The following GALNT8 variants were observed in gnomAD, a reference collection of about 807,000 sequenced individuals.
The protein encoded by GALNT8 is polypeptide N-acetylgalactosaminyltransferase 8.
Under a neutral mutation model 62.7 loss-of-function variants are expected in GALNT8, and 66 were observed. The observed-to-expected ratio is 1.05, with a 90% CI of 0.86 to 1.29. GALNT8 has a LOEUF of 1.29. Ranked by LOEUF, GALNT8 falls within the 50% of genes most tolerant of loss-of-function variation. The probability of loss-of-function intolerance (pLI) is 0.00; values close to 1 mark genes in which losing one functional copy is unlikely to be tolerated. For missense variants in GALNT8, 771 were observed against 791.8 expected, an observed-to-expected ratio of 0.97 and a Z score of 0.32; for synonymous variants, 288 against 294.3, an observed-to-expected ratio of 0.98 and a Z score of 0.22.
Position 4,739,343 on chromosome 12 carries a change from T to A in GALNT8, c.676+14T>A. The A allele has an allele frequency of 1.2e-6, 2 of 1,607,622 alleles. No homozygotes were observed. Among genetic ancestry groups the A allele is most frequent in the African/African-American group, 1.3e-5 (1 of 74,882 alleles). On this transcript the variant is annotated intron_variant, in intron 3 of 10. Coordinates refer to ENST00000252318, the MANE Select transcript of GALNT8 (RefSeq NM_017417.2). The stretch of plus-strand genomic sequence containing the variant: ...TCAGCTCAAATGGTGAGCAACGTGA[T>A]CAAAGAATAATTGTAAAAATGACCA...
chr12:4,772,075 A>C (rs975957515), intron 10 of GALNT8, among the ~76,000 whole-genome samples: 4 of 152,128 alleles, frequency 2.6e-5, no homozygotes, highest in East Asian at 1.9e-4. Flanking sequence ...GGTGACCCTG[A>C]TGGGTCTCAT....
intron 3 of GALNT8, among the ~76,000 whole-genome samples, chr12:4,740,960 C>G (rs955550815): frequency 5.3e-5 from 8 of 152,136 alleles, no homozygotes; most frequent in African/African-American, 1.9e-4. Flanking sequence ...CACATGGTAG[C>G]CTCTCAGCAA....
rs1946199341 is a variant in GALNT8 at position 4,726,944 on chromosome 12, G to C, written c.509+115G>C. On this transcript the variant is annotated intron_variant, in intron 2 of 10. Transcript: ENST00000252318. The surrounding 1 kb of genome is among the most constrained non-coding windows in gnomAD (Gnocchi z 4.1). ...GGGGGATTGTTGGGGAAGGGGTTCA[G>C]GCTGAGCAAAGTTGTTGTTTTCAAT... 1.2e-6 allele frequency: 1 copy of C among 844,284 alleles called. No homozygotes were observed. Among genetic ancestry groups the C allele is most frequent in the African/African-American group, 1.7e-5 (1 of 58,996 alleles). The allele number at this position is 844,284 out of a possible 1,614,324, so 52.3% of individuals were successfully genotyped here.
intron 6 of GALNT8, among the ~76,000 whole-genome samples, chr12:4,750,644 A>G (rs1946318509): frequency 6.6e-6 from 1 of 152,152 alleles, no homozygotes; most frequent in Admixed American, 6.5e-5. Context: ...TAGCTCTACA[A>G]TGAACATACA....
At chr12:4,733,632 G>A (rs570995380) in intron 2 of GALNT8, among the ~76,000 whole-genome samples, 1 of 152,086 alleles carries the variant, frequency 6.6e-6, no homozygotes. Context: ...TAACCATCCC[G>A]TACCAGACAT....
chr12:4,765,298 G>C (rs1202819869), intron 9 of GALNT8, 81 bp from the exon 10 acceptor site: 1 of 1,318,980 alleles, frequency 7.6e-7, no homozygotes, highest in Admixed American at 2.9e-5. Context: ...TCTTCCTGCT[G>C]TCCCTCGGGC....
chr12:4,758,633 T>TGAGAGA (rs1555070216), intron 6 of GALNT8, among the ~76,000 whole-genome samples: 1 of 79,908 alleles, frequency 1.3e-5, no homozygotes, highest in African/African-American at 4.0e-5. Flanking sequence ...TGTGTGTGTG[T>TGAGAGA]GTGTGAGAGA....
Position 4,764,181 on chromosome 12 carries a change from T to A in GALNT8, c.1593+134T>A. On this transcript the variant is annotated intron_variant, in intron 9 of 10. Transcript: ENST00000252318. ...CGGAGCATCCTGGGTAAGGGTGAAA[T>A]CCAGACCTGCACTTGTAACTGAGCA... 4.4e-6 allele frequency: 3 copies of A among 683,404 alleles called. No individual in the cohort carries two copies. In the South Asian group the frequency reaches 4.9e-5, roughly 11 times the overall value. 42.3% of individuals were successfully genotyped at this position (683,404 alleles called of 1,614,324 possible).
At position 4,740,675 on chromosome 12, in the gene GALNT8, C is replaced by T. The variant is rs559179668; in HGVS notation, c.676+1346C>T. Among the ~76,000 whole-genome samples the T allele has an allele frequency of 1.2e-4, 19 of 152,270 alleles. No homozygotes were observed. The East Asian group carries it at 1.9e-3, about 16-fold the overall frequency. ...CTGATCTCAGATGGTTTGCCTGCCT[C>T]GGCCTCTCAAAGTGCTGGGATTACA... On this transcript the variant is annotated intron_variant, in intron 3 of 10. Coordinates refer to ENST00000252318, the MANE Select transcript of GALNT8 (RefSeq NM_017417.2).
chr12:4,734,124 G>A (rs1004796049), intron 2 of GALNT8, among the ~76,000 whole-genome samples: 3 of 152,146 alleles, frequency 2.0e-5, no homozygotes, highest in African/African-American at 7.2e-5. Flanking sequence ...ATAATACTAT[G>A]ATGTGAGGAT....
chr12:4,721,202 A>G (rs1457034873), intron 1 of GALNT8, among the ~76,000 whole-genome samples: 1 of 152,070 alleles, frequency 6.6e-6, no homozygotes, highest in East Asian at 1.9e-4. Flanking sequence ...TAAGAATCCC[A>G]AGGGCCATAG....
intron 3 of GALNT8, among the ~76,000 whole-genome samples, chr12:4,742,159 C>CT (rs1329562466): frequency 6.6e-6 from 1 of 152,156 alleles, no homozygotes; most frequent in Non-Finnish European, 1.5e-5. Flanking sequence ...AGGAGAGAGC[C>CT]TGTTCCCATT....
chr12:4,730,642 G>C (rs893258556), intron 2 of GALNT8, among the ~76,000 whole-genome samples: 11 of 152,086 alleles, frequency 7.2e-5, no homozygotes, highest in Admixed American at 3.3e-4. Context: ...AAGTCATGTA[G>C]TGTAATGTCT....
rs534626375 is a variant in GALNT8 at position 4,739,480 on chromosome 12, G to A, written c.676+151G>A. On this transcript the variant is annotated intron_variant, in intron 3 of 10. Coordinates refer to ENST00000252318, the MANE Select transcript of GALNT8 (RefSeq NM_017417.2). ...ATTTGTTAAGGGTCTATTTGTGCTA[G>A]CCACATTTAATCTTCACAAAGTCAA... 8 of 615,376 alleles carry A rather than the reference G, an allele frequency of 1.3e-5. 1 individual carries two copies. In the South Asian group the frequency reaches 1.6e-4, roughly 12 times the overall value. 38.1% of individuals were successfully genotyped at this position (615,376 alleles called of 1,614,324 possible).
rs908809772 is a variant in GALNT8 at position 4,726,206 on chromosome 12, T to C, written c.212-326T>C. Among the ~76,000 whole-genome samples, 1 of 152,168 alleles carries C rather than the reference T, an allele frequency of 6.6e-6. No homozygotes were observed. Among genetic ancestry groups the C allele is most frequent in the Admixed American group, 6.5e-5 (1 of 15,278 alleles). ...AACTGATTGATTCTGATGTAAGTGG[T>C]TCTCAGGCCTCATTCTGAAAAACAT... On this transcript the variant is annotated intron_variant, in intron 1 of 10. Coordinates refer to ENST00000252318, the MANE Select transcript of GALNT8 (RefSeq NM_017417.2). The surrounding 1 kb of genome is among the most constrained non-coding windows in gnomAD (Gnocchi z 4.1).
chr12:4,771,034 T>G (rs1160227938), intron 10 of GALNT8, among the ~76,000 whole-genome samples: 1 of 152,180 alleles, frequency 6.6e-6, no homozygotes, highest in Non-Finnish European at 1.5e-5. Flanking sequence ...TGAGATCATC[T>G]GTGAGGCTGT....
chr12:4,747,370 C>G (rs1591569847), intron 6 of GALNT8, among the ~76,000 whole-genome samples: 1 of 152,288 alleles, frequency 6.6e-6, no homozygotes, highest in Non-Finnish European at 1.5e-5. Flanking sequence ...CCCTCTCCCC[C>G]AACTACCCTT....
chr12:4,721,043 A>G (rs925213280), intron 1 of GALNT8, among the ~76,000 whole-genome samples, 155 bp downstream of exon 1: 4 of 152,248 alleles, frequency 2.6e-5, no homozygotes, highest in African/African-American at 9.6e-5. Context: ...GTGCCTTCAA[A>G]TGGGAGATGG....
Position 4,720,405 on chromosome 12 carries a change from C to G in GALNT8, c.-273C>G. 1 of 461,672 alleles carries G rather than the reference C, an allele frequency of 2.2e-6. No individual in the cohort carries two copies. Among genetic ancestry groups the G allele is most frequent in the Admixed American group, 3.4e-5 (1 of 29,206 alleles). The allele number at this position is 461,672 out of a possible 1,614,324, so 28.6% of individuals were successfully genotyped here. ...CTCCTCTGCTTCAAGGGAGTGTTAT[C>G]TCCCTGAGCAACCTGTGGAAAGCCG... On this transcript the variant is annotated 5_prime_UTR_variant, in exon 1 of 11. In the 5' UTR this introduces an upstream ATG that the reference lacks. Transcript: ENST00000252318.
Sources: gnomAD v4.1 joint callset for allele counts (sites outside exome capture counted in the v4.1 genomes callset) on GRCh38, gnomAD v4.1.1 for gene constraint, Gnocchi (gnomAD v3.1) non-coding constraint, MANE v1.5 for transcripts, NCBI Gene and HGNC (gene_info 2026-07-23, HGNC 2026-07-21) for gene names.